The following SLC16A7 variants were observed in gnomAD, a reference collection of about 807,000 sequenced individuals.
SLC16A7 encodes the protein monocarboxylate transporter 2.
Under a neutral mutation model 34.9 loss-of-function variants are expected in SLC16A7, and 33 were observed. That is an observed-to-expected ratio of 0.94 (90% CI 0.72 to 1.26). The LOEUF (loss-of-function observed/expected upper bound fraction) is 1.26, where lower values mean the gene tolerates loss of function less well. Ranked by LOEUF, SLC16A7 falls within the 50% of genes most tolerant of loss-of-function variation. The probability of loss-of-function intolerance (pLI) is 0.00; values close to 1 mark genes in which losing one functional copy is unlikely to be tolerated. For synonymous variants in SLC16A7, 201 were observed against 206.6 expected (o/e 0.97, Z 0.23); for missense variants, 573 against 578.1 (o/e 0.99, Z 0.09).
At chr12:59,774,191 C>T (rs530896040) in intron 4 of SLC16A7, among the ~76,000 whole-genome samples, 10 of 152,112 alleles carry the variant, frequency 6.6e-5, no homozygotes, top group African/African-American at 1.9e-4. Context: ...TTACAAATTA[C>T]GACCTTTTTA....
rs141130331 is a variant in SLC16A7 at position 59,779,673 on chromosome 12, C to T, written c.1431C>T (p.Asn477=). 12 of 1,604,904 alleles carry T rather than the reference C, an allele frequency of 7.5e-6. No individual in the cohort carries two copies. The highest frequency in any genetic ancestry group is 2.2e-5 in the East Asian group (1 of 44,746). The change falls in exon 6 of 6, where the codon AAC becomes AAT. Residue 477 remains asparagine (N), a synonymous_variant. Coordinates refer to ENST00000547379, the MANE Select transcript of SLC16A7 (RefSeq NM_001270623.2). The part of the protein sequence containing the change: ...AQSVTSERET[N]I ...GTGTAACCTCAGAAAGAGAAACTAACATTTAACAAGAATCACATCTCTGAT... is the reference window on the plus strand; with the variant it reads ...GTGTAACCTCAGAAAGAGAAACTAATATTTAACAAGAATCACATCTCTGAT...
At chr12:59,751,997 G>C (rs910701176) in intron 3 of SLC16A7, among the ~76,000 whole-genome samples, 2 of 152,112 alleles carry the variant, frequency 1.3e-5, no homozygotes, top group East Asian at 3.9e-4. Flanking sequence ...AGGCAAACAG[G>C]GTCTGGAGTG....
chr12:59,732,069 T>C (rs1877013659), intron 3 of SLC16A7, among the ~76,000 whole-genome samples: 1 of 151,870 alleles, frequency 6.6e-6, no homozygotes, highest in Non-Finnish European at 1.5e-5. Context: ...ATATATTATA[T>C]ATATATTTCC....
At chr12:59,597,874 C>T (rs11173095) in intron 1 of SLC16A7, among the ~76,000 whole-genome samples, 26,562 of 152,152 alleles carry the variant, frequency 0.17, 3,092 homozygotes, top group East Asian at 0.57. Flanking sequence ...TTTTTCCCCC[C>T]AAGGCATGTT....
At chr12:59,769,666 A>T (rs944933040) in intron 3 of SLC16A7, among the ~76,000 whole-genome samples, 38 of 151,994 alleles carry the variant, frequency 2.5e-4, no homozygotes, top group African/African-American at 9.2e-4. Flanking sequence ...TTAATTTTAA[A>T]TTTTTTTGCA....
chr12:59,750,404 T>G (rs1296611680), intron 3 of SLC16A7, among the ~76,000 whole-genome samples: 1 of 152,064 alleles, frequency 6.6e-6, no homozygotes, highest in Non-Finnish European at 1.5e-5. Context: ...GAGCAAAGGA[T>G]ATGAACAGAC....
At chr12:59,635,870 A>C (rs1334345252) in intron 1 of SLC16A7, among the ~76,000 whole-genome samples, 4 of 152,024 alleles carry the variant, frequency 2.6e-5, no homozygotes, top group South Asian at 4.1e-4. Flanking sequence ...ATGTATGTTA[A>C]TAATGACATG....
intron 1 of SLC16A7, among the ~76,000 whole-genome samples, chr12:59,645,294 A>G (rs1880859217): frequency 6.6e-6 from 1 of 152,210 alleles, no homozygotes; most frequent in South Asian, 2.1e-4. Context: ...GTCAGATCAG[A>G]TAGCAAAACC....
chr12:59,628,564 C>T (rs1433881561), intron 1 of SLC16A7, among the ~76,000 whole-genome samples: 1 of 151,784 alleles, frequency 6.6e-6, no homozygotes, highest in Non-Finnish European at 1.5e-5. Flanking sequence ...GCTTTTAGCA[C>T]ATTTGAATAC....
chr12:59,728,132 A>G (rs1485539230), intron 3 of SLC16A7, among the ~76,000 whole-genome samples: 1 of 152,198 alleles, frequency 6.6e-6, no homozygotes, highest in Non-Finnish European at 1.5e-5. Context: ...GGCAGAAATT[A>G]TAAAGCAGAG....
chr12:59,727,266 G>T (rs935795018), intron 3 of SLC16A7, among the ~76,000 whole-genome samples: 1 of 151,756 alleles, frequency 6.6e-6, no homozygotes, highest in Non-Finnish European at 1.5e-5. Flanking sequence ...TGGTGATGAC[G>T]TTAACAGTTT....
intron 3 of SLC16A7, among the ~76,000 whole-genome samples, chr12:59,746,305 C>T (rs1381044687): frequency 1.3e-5 from 2 of 152,098 alleles, no homozygotes; most frequent in Admixed American, 6.6e-5. Flanking sequence ...TGATGTCTAC[C>T]AATGAAATCA....
At chr12:59,605,182 G>A (rs1371161187) in intron 1 of SLC16A7, among the ~76,000 whole-genome samples, 1 of 152,128 alleles carries the variant, frequency 6.6e-6, no homozygotes, top group Non-Finnish European at 1.5e-5. Context: ...GGTATAATGA[G>A]TTTGGGTCTG....
intron 1 of SLC16A7, among the ~76,000 whole-genome samples, chr12:59,613,682 T>C (rs1285927912): frequency 6.6e-6 from 1 of 152,158 alleles, no homozygotes; most frequent in East Asian, 1.9e-4. Context: ...CACTCAATGG[T>C]ATTTTATAGG....
intron 3 of SLC16A7, among the ~76,000 whole-genome samples, chr12:59,721,978 T>A (rs1233595601): frequency 2.0e-5 from 3 of 151,960 alleles, no homozygotes; most frequent in African/African-American, 7.2e-5. Flanking sequence ...TTTCCATATA[T>A]ACTTGCTCCA....
At chr12:59,769,683 AAATAAT>A (rs926712188) in intron 3 of SLC16A7, among the ~76,000 whole-genome samples, 1 of 152,098 alleles carries the variant, frequency 6.6e-6, no homozygotes, top group African/African-American at 2.4e-5. Flanking sequence ...TGCAGAATAA[AAATAAT>A]AATTATATTT....
At chr12:59,663,649 G>A (rs926210781) in intron 2 of SLC16A7, among the ~76,000 whole-genome samples, 8 of 152,000 alleles carry the variant, frequency 5.3e-5, no homozygotes, top group African/African-American at 1.9e-4. Flanking sequence ...GAAATCCATA[G>A]TATAATTTTT....
chr12:59,776,216 G>A (rs959343449), intron 5 of SLC16A7, among the ~76,000 whole-genome samples: 1 of 151,710 alleles, frequency 6.6e-6, no homozygotes, highest in African/African-American at 2.4e-5. Context: ...TAATACTTGA[G>A]AGAGAGAGAG....
At chr12:59,746,090 A>G (rs528586840) in intron 3 of SLC16A7, among the ~76,000 whole-genome samples, 1 of 152,306 alleles carries the variant, frequency 6.6e-6, no homozygotes, top group East Asian at 1.9e-4. Context: ...TTGAAAGATC[A>G]CTCTTGGTTA....
Sources: gnomAD v4.1 joint callset for allele counts (sites outside exome capture counted in the v4.1 genomes callset) on GRCh38, gnomAD v4.1.1 for gene constraint, MANE v1.5 for transcripts, NCBI Gene and HGNC (gene_info 2026-07-23, HGNC 2026-07-21) for gene names.